Variants in DACH1 observed in about 807,000 individuals in gnomAD.
The protein encoded by DACH1 is dachshund family transcription factor 1.
A neutral mutation model predicts 54.2 loss-of-function variants in DACH1; 12 were observed. That is an observed-to-expected ratio of 0.22 (90% CI 0.14 to 0.36). The LOEUF is 0.36. DACH1 is among the 10% of genes least tolerant of loss of function. DACH1 has a pLI of 1.00. For synonymous variants in DACH1, 386 were observed against 366.2 expected (o/e 1.05, Z -0.62); for missense variants, 805 against 929.8 (o/e 0.87, Z 1.75).
chr13:71,543,476 C>T (rs1018169678), intron 6 of DACH1, among the ~76,000 whole-genome samples: 4 of 152,014 alleles, frequency 2.6e-5, no homozygotes, highest in South Asian at 2.1e-4. Flanking sequence ...ACTCTTGATT[C>T]GCATAATGTT....
At chr13:71,833,466 G>C (rs1888668359) in intron 1 of DACH1, among the ~76,000 whole-genome samples, 1 of 152,002 alleles carries the variant, frequency 6.6e-6, no homozygotes, top group South Asian at 2.1e-4. Flanking sequence ...CAACGATGTT[G>C]ATAGACTAAA....
At chr13:71,480,623 G>T (rs1877948072) in intron 7 of DACH1, among the ~76,000 whole-genome samples, 1 of 152,166 alleles carries the variant, frequency 6.6e-6, no homozygotes, top group Non-Finnish European at 1.5e-5. Context: ...GAGTGTCAGA[G>T]ACTGAAATTT....
intron 6 of DACH1, among the ~76,000 whole-genome samples, chr13:71,545,926 A>G (rs1470497464): frequency 2.0e-5 from 3 of 152,094 alleles, no homozygotes; most frequent in Admixed American, 2.0e-4. Flanking sequence ...CAAGGCAGAG[A>G]GGCATGCAGT....
rs1427094863 is a variant in DACH1, at chr13:71,630,592, C to T, written c.1090G>A (p.Ala364Thr). The T allele has an allele frequency of 1.2e-6, 2 of 1,604,952 alleles. No individual in the cohort carries two copies. The highest frequency in any genetic ancestry group is 1.7e-6 in the Non-Finnish European group (2 of 1,177,672). Reference protein sequence around the residue: ...NYHASNNQHGADSENGDMNSS... With the variant: ...NYHASNNQHGTDSENGDMNSS... The stretch of plus-strand genomic sequence containing the variant: ...TTCATGTCCCCGTTTTCAGAGTCTG[C>T]TCCATGTTGGTTATTACTGGCATGA... The change falls in exon 3 of 11, where the codon GCA becomes ACA. Residue 364 changes from alanine (A) to threonine (T), a missense_variant. Transcript: ENST00000613252.
chr13:71,768,868 G>A (rs375072413), intron 1 of DACH1, among the ~76,000 whole-genome samples: 5 of 151,758 alleles, frequency 3.3e-5, no homozygotes, highest in East Asian at 1.9e-4. Context: ...TTGACATCAC[G>A]CATTTTGATT....
rs182507043 is a variant in DACH1 at position 71,512,797 on chromosome 13, C to T, written c.1571-23649G>A. Among the ~76,000 whole-genome samples the T allele has an allele frequency of 2.3e-3, 346 of 151,842 alleles. 3 individuals are homozygous for T. Among genetic ancestry groups the T allele is most frequent in the African/African-American group, 8.0e-3 (331 of 41,438 alleles). Reference sequence around the variant, plus strand: ...GTGTGTCTAAATTGATTCTTAAAGGCCTTTTGTTGTTTCACTTATAAAACC... The same window carrying T: ...GTGTGTCTAAATTGATTCTTAAAGGTCTTTTGTTGTTTCACTTATAAAACC... On this transcript the variant is annotated intron_variant, in intron 6 of 10. Coordinates refer to ENST00000613252, the MANE Select transcript of DACH1 (RefSeq NM_080759.6).
chr13:71,517,971 C>A, intron 6 of DACH1, among the ~76,000 whole-genome samples: 1 of 151,828 alleles, frequency 6.6e-6, no homozygotes, highest in Non-Finnish European at 1.5e-5. Flanking sequence ...ACTGAAGAAG[C>A]TATTATAAAA....
chr13:71,452,445 C>A (rs1386703935), intron 10 of DACH1, among the ~76,000 whole-genome samples: 1 of 152,076 alleles, frequency 6.6e-6, no homozygotes, highest in Non-Finnish European at 1.5e-5. Flanking sequence ...TTTTTTCAAA[C>A]ACAAATTAAA....
intron 10 of DACH1, among the ~76,000 whole-genome samples, chr13:71,458,654 CTAAA>C (rs2138133897): frequency 6.6e-6 from 1 of 151,906 alleles, no homozygotes; most frequent in African/African-American, 2.4e-5. Flanking sequence ...CTATGACTAC[CTAAA>C]TATTGTATAG....
chr13:71,643,443 C>T (rs986654822), intron 2 of DACH1, among the ~76,000 whole-genome samples: 3 of 152,120 alleles, frequency 2.0e-5, no homozygotes, highest in South Asian at 2.1e-4. Flanking sequence ...CACACTTAAG[C>T]GGACTTTCTC....
chr13:71,499,454 G>C lies in DACH1; in HGVS notation c.1571-10306C>G, dbSNP rs148345122. On this transcript the variant is annotated intron_variant, in intron 6 of 10. Coordinates refer to ENST00000613252, the MANE Select transcript of DACH1 (RefSeq NM_080759.6). ...CACAACGGAAACAATCATAACATTT[G>C]TTTTTAGATGACTGACTCAGAACAT... is the stretch of plus-strand genomic sequence containing the variant. Among the ~76,000 whole-genome samples, 659 of 152,228 alleles carry C rather than the reference G, an allele frequency of 4.3e-3. 2 individuals carry two copies. The highest frequency in any genetic ancestry group is 9.3e-3 in the South Asian group (45 of 4,826).
At chr13:71,800,834 TTAA>T (rs1887261745) in intron 1 of DACH1, among the ~76,000 whole-genome samples, 1 of 151,066 alleles carries the variant, frequency 6.6e-6, no homozygotes, top group South Asian at 2.1e-4. Context: ...TTAATTATTA[TTAA>T]TAATTTAGAA....
intron 10 of DACH1, among the ~76,000 whole-genome samples, chr13:71,461,325 G>A (rs1010360877): frequency 2.0e-4 from 30 of 151,938 alleles, no homozygotes; most frequent in African/African-American, 6.5e-4. Context: ...AGAAGTCATC[G>A]CATTCATTCA....
At chr13:71,578,743 G>C (rs1885688371) in intron 3 of DACH1, among the ~76,000 whole-genome samples, 1 of 152,138 alleles carries the variant, frequency 6.6e-6, no homozygotes, top group African/African-American at 2.4e-5. Context: ...CCTGTTTTAA[G>C]TGTAGTGGTT....
intron 6 of DACH1, among the ~76,000 whole-genome samples, chr13:71,498,537 G>C (rs1879634793): frequency 6.6e-6 from 1 of 151,992 alleles, no homozygotes; most frequent in Admixed American, 6.6e-5. Context: ...TTTTTTAAAT[G>C]CATGCATTTA....
chr13:71,482,684 T>C (rs1878138644), intron 7 of DACH1, among the ~76,000 whole-genome samples: 1 of 152,116 alleles, frequency 6.6e-6, no homozygotes, highest in Non-Finnish European at 1.5e-5. Context: ...ATTCTTTTAA[T>C]GTTTCCCTGG....
chr13:71,468,653 T>C (rs1272013798), intron 10 of DACH1, among the ~76,000 whole-genome samples: 1 of 152,212 alleles, frequency 6.6e-6, no homozygotes, highest in African/African-American at 2.4e-5. Flanking sequence ...TCTATTCAAA[T>C]GCATACGTCA....
intron 1 of DACH1, among the ~76,000 whole-genome samples, chr13:71,788,998 A>G (rs1412132076): frequency 6.6e-6 from 1 of 152,152 alleles, no homozygotes; most frequent in Non-Finnish European, 1.5e-5. Flanking sequence ...TGTAACAATG[A>G]AAGAAAATAA....
rs1873859314 is a variant in DACH1 at position 71,439,941 on chromosome 13, A to T, written c.*714T>A. ...TTTGGAATGAAAACATGTTACACTT[A>T]TATATTTTTTTTTATTTTTAAGAAA... On this transcript the variant is annotated 3_prime_UTR_variant, in exon 11 of 11. Coordinates refer to ENST00000613252, the MANE Select transcript of DACH1 (RefSeq NM_080759.6). The T allele has an allele frequency of 6.6e-6, 1 of 151,940 alleles. No individual in the cohort carries two copies. Among genetic ancestry groups the T allele is most frequent in the Non-Finnish European group, 1.5e-5 (1 of 67,750 alleles). 9.4% of individuals were successfully genotyped at this position (151,940 alleles called of 1,614,324 possible). A position where few individuals can be genotyped will look rare whatever the true frequency, so the allele number is the denominator to read the frequency against.
Sources: gnomAD v4.1 joint callset for allele counts (sites outside exome capture counted in the v4.1 genomes callset) on GRCh38, gnomAD v4.1.1 for gene constraint, MANE v1.5 for transcripts, NCBI Gene and HGNC (gene_info 2026-07-23, HGNC 2026-07-21) for gene names.